Variants in SHROOM3 observed in about 807,000 individuals in gnomAD.
The protein encoded by SHROOM3 is shroom family member 3.
Under a neutral mutation model 138.6 loss-of-function variants are expected in SHROOM3, and 47 were observed. The observed-to-expected ratio is 0.34, with a 90% confidence interval of 0.27 to 0.43. The LOEUF (loss-of-function observed/expected upper bound fraction) is 0.43, where lower values mean the gene tolerates loss of function less well. Ranked by LOEUF, SHROOM3 falls within the 20% of genes least tolerant of loss-of-function variation. The pLI is 1.00. For missense variants in SHROOM3, 2,491 were observed against 2,596.5 expected, an observed-to-expected ratio of 0.96 and a Z score of 0.88; for synonymous variants, 1,062 against 1,063.3, an observed-to-expected ratio of 1.00 and a Z score of 0.02.
At chr4:76,467,437 A>ACC in intron 1 of SHROOM3, among the ~76,000 whole-genome samples, 1 of 152,128 alleles carries the variant, frequency 6.6e-6, no homozygotes, top group East Asian at 1.9e-4. Context: ...TCCCTCTGGG[A>ACC]TTCAAACCCA....
At chr4:76,709,988 G>T in intron 2 of SHROOM3, 168 bp from the exon 3 acceptor site, 1 of 735,294 alleles carries the variant, frequency 1.4e-6, no homozygotes. Context: ...CGCCTTCGTA[G>T]GGCAGAGAAC....
chr4:76,705,133 T>G (rs1042195120), intron 2 of SHROOM3, among the ~76,000 whole-genome samples: 8 of 151,908 alleles, frequency 5.3e-5, no homozygotes, highest in African/African-American at 1.7e-4. Context: ...TTCTTTTGTA[T>G]TGGCTGAAAC....
intron 1 of SHROOM3, among the ~76,000 whole-genome samples, chr4:76,519,549 C>T (rs190352241): frequency 6.6e-6 from 1 of 152,122 alleles, no homozygotes; most frequent in Non-Finnish European, 1.5e-5. Context: ...CATTTCCCCC[C>T]AGAACAAACA....
intron 1 of SHROOM3, among the ~76,000 whole-genome samples, chr4:76,538,554 C>T (rs766091823): frequency 2.6e-5 from 4 of 152,082 alleles, no homozygotes; most frequent in Non-Finnish European, 5.9e-5. Flanking sequence ...TTGCAGATGA[C>T]TACAACAAGG....
intron 2 of SHROOM3, among the ~76,000 whole-genome samples, chr4:76,697,150 A>G (rs769784925): frequency 6.7e-6 from 1 of 150,318 alleles, no homozygotes; most frequent in African/African-American, 2.5e-5. Flanking sequence ...CTGGTCTCAA[A>G]TTCCTGGCCT....
intron 1 of SHROOM3, among the ~76,000 whole-genome samples, chr4:76,449,337 G>A (rs1461499860): frequency 6.6e-6 from 1 of 152,100 alleles, no homozygotes; most frequent in Non-Finnish European, 1.5e-5. Context: ...AAAGAAAAGT[G>A]GATACATAAC....
intron 2 of SHROOM3, among the ~76,000 whole-genome samples, chr4:76,560,910 G>A (rs1169585434): frequency 6.6e-6 from 1 of 152,116 alleles, no homozygotes; most frequent in Non-Finnish European, 1.5e-5. Flanking sequence ...TTGTTGTGAG[G>A]ATTAAATAAG....
chr4:76,477,498 A>G (rs552363460), intron 1 of SHROOM3, among the ~76,000 whole-genome samples: 1 of 152,300 alleles, frequency 6.6e-6, no homozygotes, highest in East Asian at 1.9e-4. Flanking sequence ...CAGTGACTAT[A>G]TTAATTTTTA....
chr4:76,670,924 G>A (rs1718861842), intron 2 of SHROOM3, among the ~76,000 whole-genome samples: 1 of 152,160 alleles, frequency 6.6e-6, no homozygotes, highest in African/African-American at 2.4e-5. Flanking sequence ...CCCAGGCTGG[G>A]TGCAGAGTAA....
chr4:76,598,026 CTT>C (rs11307449), intron 2 of SHROOM3, among the ~76,000 whole-genome samples: 4,170 of 137,602 alleles, frequency 0.03, 79 homozygotes, highest in Non-Finnish European at 0.042. Flanking sequence ...AAATCTATGA[CTT>C]TTTTTTTTTT....
rs978655226 is a variant in SHROOM3 at position 76,435,581 on chromosome 4, C to G, written c.-472C>G. 3 of 152,010 alleles carry G rather than the reference C, an allele frequency of 2.0e-5. No homozygotes were observed. The highest frequency in any genetic ancestry group is 7.3e-5 in the African/African-American group (3 of 41,312). The allele number at this position is 152,010 out of a possible 1,614,324, so 9.4% of individuals were successfully genotyped here. On this transcript the variant is annotated 5_prime_UTR_variant, in exon 1 of 11. Transcript: ENST00000296043. ...GCTATTGTAATGGTAAATTTCACTC[C>G]GAGAGGAAGAAAGGGTTGATAATCA... is the stretch of plus-strand genomic sequence containing the variant.
intron 6 of SHROOM3, among the ~76,000 whole-genome samples, chr4:76,750,601 A>G (rs1721589227): frequency 6.6e-6 from 1 of 152,138 alleles, no homozygotes; most frequent in African/African-American, 2.4e-5. Context: ...CTTTACATCA[A>G]ACCCCAGCGT....
rs1289635149 is a variant in SHROOM3 at position 76,780,513 on chromosome 4, T to A, written c.*1336T>A. ...TTCATAGTAGCCAGTCTTAGAAAAT[T>A]GGGGGAGTAAAATTTTGAAGTAAAA... On this transcript the variant is annotated 3_prime_UTR_variant, in exon 11 of 11. Transcript: ENST00000296043. 2 of 150,918 alleles carry A rather than the reference T, an allele frequency of 1.3e-5. No individual in the cohort carries two copies. Among genetic ancestry groups the A allele is most frequent in the Non-Finnish European group, 3.0e-5 (2 of 67,788 alleles). The allele number at this position is 150,918 out of a possible 1,614,324, so 9.3% of individuals were successfully genotyped here.
chr4:76,770,324 CAAAAAAAAAAAAA>C lies in SHROOM3; in HGVS notation c.5350-287_5350-275del, dbSNP rs529468839. ...GGGTGACAAGAGCCAAACTCTGTCT[CAAAAAAAAAAAAA>C]AAAAAAAAAAAAAACAGAAGACAAA... is the stretch of plus-strand genomic sequence containing the variant. On this transcript the variant is annotated intron_variant, in intron 9 of 10. Coordinates refer to ENST00000296043, the MANE Select transcript of SHROOM3 (RefSeq NM_020859.4). Among the ~76,000 whole-genome samples the C allele has an allele frequency of 5.3e-4, 19 of 36,088 alleles. 1 individual carries two copies. The Admixed American group carries it at 6.6e-3, about 12-fold the overall frequency. The allele number at this position is 36,088 out of a possible 152,430, so 23.7% of individuals were successfully genotyped here.
At chr4:76,521,242 G>C (rs1350881143) in intron 1 of SHROOM3, among the ~76,000 whole-genome samples, 1 of 151,970 alleles carries the variant, frequency 6.6e-6, no homozygotes, top group Non-Finnish European at 1.5e-5. Flanking sequence ...AGCTAATAAG[G>C]CCTGGGGTTT....
chr4:76,456,304 C>T (rs899942331), intron 1 of SHROOM3, among the ~76,000 whole-genome samples: 1 of 152,170 alleles, frequency 6.6e-6, no homozygotes, highest in African/African-American at 2.4e-5. Flanking sequence ...TGTGCCCAGC[C>T]CTTTTGTATA....
chr4:76,774,155 C>T (rs1233806719), intron 10 of SHROOM3, among the ~76,000 whole-genome samples: 3 of 152,088 alleles, frequency 2.0e-5, no homozygotes, highest in African/African-American at 4.8e-5. Flanking sequence ...GAAAATAATT[C>T]CAAGTTTCCT....
intron 1 of SHROOM3, among the ~76,000 whole-genome samples, chr4:76,469,739 G>A (rs1731329212): frequency 6.6e-6 from 1 of 152,222 alleles, no homozygotes; most frequent in Non-Finnish European, 1.5e-5. Flanking sequence ...TTACAGGCGT[G>A]AGCCACCAGG....
At chr4:76,503,167 C>CCACACACACACACACACACACACACA (rs111393161) in intron 1 of SHROOM3, among the ~76,000 whole-genome samples, 12 of 145,832 alleles carry the variant, frequency 8.2e-5, no homozygotes, top group African/African-American at 3.1e-4. Flanking sequence ...TTGTCAACTT[C>CCACACACACACACACACACACACACA]CACACACACA....
Sources: allele counts gnomAD v4.1 joint callset (sites outside exome capture counted in the v4.1 genomes callset), GRCh38; gene constraint gnomAD v4.1.1; transcripts MANE v1.5; gene names NCBI Gene and HGNC (gene_info 2026-07-23, HGNC 2026-07-21).